Variants in SMC3 observed in about 807,000 individuals in gnomAD.
SMC3 encodes the protein structural maintenance of chromosomes 3, also known as structural maintenance of chromosomes protein 3.
A neutral mutation model predicts 171.8 loss-of-function variants in SMC3; 20 were observed. The ratio of observed to expected loss-of-function variants is 0.12; its 90% CI spans 0.08 to 0.17. SMC3 has a LOEUF of 0.17. Ranked by LOEUF, SMC3 falls within the 10% of genes least tolerant of loss-of-function variation. The probability of loss-of-function intolerance (pLI) is 1.00; values close to 1 mark genes in which losing one functional copy is unlikely to be tolerated. For synonymous variants in SMC3, 464 were observed against 451.1 expected (o/e 1.03, Z -0.36); for missense variants, 543 against 1,420.4 (o/e 0.38, Z 9.93).
At position 110,598,230 on chromosome 10, in the gene SMC3, A is replaced by T; in HGVS notation, c.2208A>T (p.Leu736Phe). ...RKFKASRDSI[L>F]SEMKMLKEKR... ...TTAAAGCATCTAGAGATAGCATATT[A>T]TCAGAAATGAAGATGCTAAAAGAGA... The change falls in exon 20 of 29, where the codon TTA (leucine) becomes TTT (phenylalanine). Residue 736 changes from leucine (L) to phenylalanine (F), a missense_variant. Around this residue, in one of 8 missense-constraint regions of SMC3, gnomAD observed 218 missense variants for 509.6 expected, o/e 0.43. Transcript: ENST00000361804. The T allele has an allele frequency of 6.2e-7, 1 of 1,613,962 alleles. No homozygotes were observed. The highest frequency in any genetic ancestry group is 8.5e-7 in the Non-Finnish European group (1 of 1,179,854).
At chr10:110,594,954 T>C (rs1861273502) in intron 18 of SMC3, among the ~76,000 whole-genome samples, 1 of 152,060 alleles carries the variant, frequency 6.6e-6, no homozygotes, top group African/African-American at 2.4e-5. Flanking sequence ...TATTTTTCTA[T>C]TTAGGATTAA....
At position 110,602,107 on chromosome 10, in the gene SMC3, A is replaced by C. The variant is rs781567422; in HGVS notation, c.3034A>C (p.Lys1012Gln). ...TCAAGAAGAGTTAGATAGGGGTTAC[A>C]AATCAATCATGGAACTGATGAATGT... ...KRQEELDRGY[K>Q]SIMELMNVLE... The change falls in exon 25 of 29, where the codon AAA becomes CAA. Residue 1012 changes from lysine (K) to glutamine (Q), a missense_variant. By Grantham distance (53) the Lys-to-Gln change is moderately conservative. This residue lies in a region of SMC3 where 81 missense variants were observed against 184.2 expected (regional missense o/e 0.44). Transcript: ENST00000361804. 1 of 1,613,886 alleles carries C rather than the reference A, an allele frequency of 6.2e-7. No homozygotes were observed.
chr10:110,584,189 T>C lies in SMC3; in HGVS notation c.1098T>C (p.Ala366=). The part of the protein sequence containing the change: ...EKEERGIARL[A]QATQERTDLY... ...TTGCTTCTATTTTGTGTAGATTGGC[T>C]CAAGCTACCCAGGAAAGAACGGATC... The change falls in exon 13 of 29, where the codon GCT becomes GCC. Residue 366 remains alanine, a synonymous_variant. Coordinates refer to ENST00000361804, the MANE Select transcript of SMC3 (RefSeq NM_005445.4). 6.2e-7 allele frequency: 1 copy of C among 1,613,276 alleles called. No homozygotes were observed. Among genetic ancestry groups the C allele is most frequent in the Non-Finnish European group, 8.5e-7 (1 of 1,179,668 alleles).
At chr10:110,577,561 A>T (rs1239730807) in intron 5 of SMC3, 69 bp downstream of exon 5, 5 of 1,100,294 alleles carry the variant, frequency 4.5e-6, no homozygotes, top group Non-Finnish European at 6.9e-6. Flanking sequence ...TCATACTTTG[A>T]AACTTTTTAA....
Position 110,577,400 on chromosome 10 carries a change from T to G in SMC3, c.199-21T>G, listed in dbSNP as rs749052988. On this transcript the variant is annotated intron_variant, in intron 4 of 28. Transcript: ENST00000361804. Reference sequence around the variant, plus strand: ...GAATATACAACTTAAATGGCAAATTTCTCACTTCTTTCATTTTTAGGAAGG... The same window carrying G: ...GAATATACAACTTAAATGGCAAATTGCTCACTTCTTTCATTTTTAGGAAGG... The G allele has an allele frequency of 3.8e-6, 6 of 1,581,236 alleles. No homozygotes were observed. In the South Asian group the frequency reaches 6.6e-5, roughly 17 times the overall value.
At chr10:110,575,304 G>A in intron 3 of SMC3, 32 bp from the exon 4 acceptor site, 1 of 1,550,726 alleles carries the variant, frequency 6.4e-7, no homozygotes. Flanking sequence ...CACTTTTTTA[G>A]GGTATACTAA....
chr10:110,600,623 C>T, intron 22 of SMC3, 77 bp downstream of exon 22: 8 of 800,242 alleles, frequency 1.0e-5, no homozygotes, highest in South Asian at 2.8e-5. Context: ...ATATCAGAGG[C>T]TCTGATTGAA....
chr10:110,604,268 A>G lies in SMC3; in HGVS notation c.3620A>G (p.Lys1207Arg), dbSNP rs779467632. 1.9e-6 allele frequency: 3 copies of G among 1,611,334 alleles called. No homozygotes were observed. In the South Asian group the frequency reaches 3.3e-5, roughly 18 times the overall value. Residue 1207 changes from lysine (K) to arginine (R), a missense_variant, in exon 29 of 29, where the codon AAA becomes AGA. Lys to Arg is a conservative substitution (Grantham distance 26). Around this residue, in one of 8 missense-constraint regions of SMC3, gnomAD observed 31 missense variants for 150.9 expected, o/e 0.21. Transcript: ENST00000361804. Reference protein sequence around the residue: ...HIDVITAEMAKDFVEDDTTHG With the variant: ...HIDVITAEMARDFVEDDTTHG The stretch of plus-strand genomic sequence containing the variant: ...GATGTGATCACAGCAGAGATGGCCA[A>G]AGACTTTGTAGAAGATGATACCACA...
chr10:110,574,446 G>T (rs756265129), intron 3 of SMC3, among the ~76,000 whole-genome samples: 1 of 152,152 alleles, frequency 6.6e-6, no homozygotes, highest in Non-Finnish European at 1.5e-5. Context: ...AGGGAAAGGG[G>T]CATTTAGTGG....
At chr10:110,581,690 T>C (rs931910680) in intron 8 of SMC3, among the ~76,000 whole-genome samples, 3 of 152,228 alleles carry the variant, frequency 2.0e-5, no homozygotes, top group South Asian at 4.1e-4. Flanking sequence ...ATGTTACTTA[T>C]ATTCTACTGC....
At chr10:110,604,062 TC>T (rs1861428740) in intron 28 of SMC3, among the ~76,000 whole-genome samples, 168 bp from the exon 29 acceptor site, 1 of 119,242 alleles carries the variant, frequency 8.4e-6, no homozygotes, top group South Asian at 2.6e-4. Flanking sequence ...GCCACTGCAC[TC>T]CAGCCTGGGC....
Position 110,605,200 on chromosome 10 carries a change from C to G in SMC3, c.*898C>G, listed in dbSNP as rs1393709041. On this transcript the variant is annotated 3_prime_UTR_variant, in exon 29 of 29. Transcript: ENST00000361804. ...GATCACCTACCCAACATTGTACTTGCCAGGTTTCTTTGTTGTGAAGTTACA... is the reference window on the plus strand; with the variant it reads ...GATCACCTACCCAACATTGTACTTGGCAGGTTTCTTTGTTGTGAAGTTACA... Among the ~76,000 whole-genome samples the G allele has an allele frequency of 6.6e-6, 1 of 152,050 alleles. No homozygotes were observed. Among genetic ancestry groups the G allele is most frequent in the African/African-American group, 2.4e-5 (1 of 41,416 alleles).
intron 18 of SMC3, 76 bp downstream of exon 18, chr10:110,593,299 C>T (rs1274478458): frequency 2.0e-5 from 29 of 1,465,110 alleles, no homozygotes; most frequent in Non-Finnish European, 2.6e-5. Flanking sequence ...TGGCTGGGCG[C>T]AGTGGCTCAT....
At chr10:110,589,287 A>G (rs577929376) in intron 13 of SMC3, among the ~76,000 whole-genome samples, 64 of 152,364 alleles carry the variant, frequency 4.2e-4, no homozygotes, top group Non-Finnish European at 7.2e-4. Flanking sequence ...TCATTGAGGT[A>G]TAATTCACAT....
chr10:110,595,933 T>TTTTG (rs1216095759), intron 18 of SMC3, among the ~76,000 whole-genome samples: 1 of 147,880 alleles, frequency 6.8e-6, no homozygotes, highest in Non-Finnish European at 1.5e-5. Context: ...TTTTTTTTTT[T>TTTTG]TTTTTTAAAG....
At chr10:110,591,195 AAC>A (rs1211467184) in intron 17 of SMC3, 63 bp downstream of exon 17, 1 of 1,487,000 alleles carries the variant, frequency 6.7e-7, no homozygotes, top group Admixed American at 1.7e-5. Flanking sequence ...CACATAATCT[AAC>A]ACATGCTAGT....
At chr10:110,598,555 C>T (rs1216171906) in intron 20 of SMC3, among the ~76,000 whole-genome samples, 2 of 151,978 alleles carry the variant, frequency 1.3e-5, no homozygotes, top group African/African-American at 2.4e-5. Context: ...TACAGACATA[C>T]GCCACCACAT....
intron 13 of SMC3, among the ~76,000 whole-genome samples, chr10:110,587,685 CAAA>C (rs1194796622): frequency 1.0e-5 from 1 of 96,110 alleles, no homozygotes; most frequent in African/African-American, 4.6e-5. Flanking sequence ...GACTCCGTCT[CAAA>C]GAAAAAAAAA....
intron 16 of SMC3, 130 bp downstream of exon 16, chr10:110,590,702 AAAG>A: frequency 1.3e-6 from 1 of 795,470 alleles, no homozygotes; most frequent in Non-Finnish European, 2.0e-6. Flanking sequence ...CTTTCTAATT[AAAG>A]AAGTAGATGC....
Sources: allele counts gnomAD v4.1 joint callset (sites outside exome capture counted in the v4.1 genomes callset), GRCh38; gene constraint gnomAD v4.1.1; regional missense constraint gnomAD v4.1.1; transcripts MANE v1.5; gene names NCBI Gene and HGNC (gene_info 2026-07-23, HGNC 2026-07-21).